Variants in DDAH2 observed in about 807,000 individuals in gnomAD.
DDAH2 encodes DDAH family member 2, ADMA-independent, also known as putative hydrolase DDAH2.
DDAH2 carries 8 observed loss-of-function variants against 24.8 expected under a neutral mutation model. That is an observed-to-expected ratio of 0.32 (90% CI 0.19 to 0.58). The LOEUF (loss-of-function observed/expected upper bound fraction) is 0.58. DDAH2 is among the 20% of genes least tolerant of loss of function. DDAH2 has a pLI of 0.87. For missense variants in DDAH2, 281 were observed against 379.0 expected (o/e 0.74, Z 2.15); for synonymous variants, 151 against 166.1 (o/e 0.91, Z 0.70).
In DDAH2 at chr6:31,728,242, A is replaced by AC. The variant is rs777387807; in HGVS notation, c.521dup (p.Leu175SerfsTer41). 1 of 1,612,494 alleles carries AC rather than the reference A, an allele frequency of 6.2e-7. No homozygotes were observed. Among genetic ancestry groups the AC allele is most frequent in the South Asian group, 1.1e-5 (1 of 90,994 alleles). ...TGCGAGGTCCCCCCATGCCGCAGAG[A>AC]CCGCGCAGGTGGGAGGGACCCGAGA... On this transcript the variant is annotated frameshift_variant, in exon 4 of 6. Coordinates refer to ENST00000375789, the MANE Select transcript of DDAH2 (RefSeq NM_001303007.2). LOFTEE classifies it high-confidence loss of function. The surrounding 1 kb of genome is among the most constrained non-coding windows in gnomAD (Gnocchi z 9.8).
At position 31,729,120 on chromosome 6, in the gene DDAH2, G is replaced by A. The variant is rs759764327; in HGVS notation, c.42C>T (p.Ala14=). 1 of 1,612,658 alleles carries A rather than the reference G, an allele frequency of 6.2e-7. No homozygotes were observed. Among genetic ancestry groups the A allele is most frequent in the Non-Finnish European group, 8.5e-7 (1 of 1,179,812 alleles). ...GGCTCTCTGGGACTCCCCGGATCAG[G>A]GCATGGGAGCAGCGGCCCAGCCCCT... The part of the protein sequence containing the change: ...PGEGLGRCSH[A]LIRGVPESLA... The change falls in exon 1 of 6, where the codon GCC becomes GCT. Residue 14 remains alanine, a synonymous_variant. Coordinates refer to ENST00000375789, the MANE Select transcript of DDAH2 (RefSeq NM_001303007.2). The surrounding 1 kb of genome is among the most constrained non-coding windows in gnomAD (Gnocchi z 6.7).
Position 31,728,781 on chromosome 6 carries a change from C to A in DDAH2, c.298-36G>T, listed in dbSNP as rs1047750710. 7.4e-6 allele frequency: 12 copies of A among 1,611,088 alleles called. No homozygotes were observed. In the African/African-American group the frequency reaches 1.6e-4, roughly 22 times the overall value. ...GAGAAGAGGGCACGGAGCTGTGACA[C>A]CCCCATCCTCAATTCTTCCCCAAAG... is the stretch of plus-strand genomic sequence containing the variant. On this transcript the variant is annotated intron_variant, in intron 1 of 5. Transcript: ENST00000375789. The surrounding 1 kb of genome is among the most constrained non-coding windows in gnomAD (Gnocchi z 9.8).
Position 31,727,730 on chromosome 6 carries a change from T to G in DDAH2, c.592-38A>C. 1 of 1,549,054 alleles carries G rather than the reference T, an allele frequency of 6.5e-7. No individual in the cohort carries two copies. The highest frequency in any genetic ancestry group is 8.7e-7 in the Non-Finnish European group (1 of 1,147,572). ...GGAAGTGTTCGAGTCTCAGAACCTC[T>G]CCACAGCTGTGTCTGCCTGCTCAAC... On this transcript the variant is annotated intron_variant, in intron 4 of 5. Coordinates refer to ENST00000375789, the MANE Select transcript of DDAH2 (RefSeq NM_001303007.2). The surrounding 1 kb of genome is among the most constrained non-coding windows in gnomAD (Gnocchi z 6.0).
upstream of DDAH2, chr6:31,729,476 T>C: frequency 5.3e-6 from 2 of 379,254 alleles, no homozygotes; most frequent in Non-Finnish European, 9.5e-6. This position sits in a 1 kb window ranked among gnomAD's most constrained non-coding sequence, Gnocchi z 6.7. Context: ...TTGCCCCTGC[T>C]TGGGGGCTTG....
upstream of DDAH2, chr6:31,729,434 A>C (rs1159843273): frequency 5.9e-6 from 3 of 507,606 alleles, no homozygotes; most frequent in Non-Finnish European, 1.0e-5. This position sits in a 1 kb window ranked among gnomAD's most constrained non-coding sequence, Gnocchi z 6.7. Flanking sequence ...CCTGAGGAAC[A>C]AGGCTAGGGT....
Position 31,727,625 on chromosome 6 carries a change from C to A in DDAH2, c.659G>T (p.Cys220Phe). The A allele has an allele frequency of 6.2e-7, 1 of 1,612,990 alleles. No homozygotes were observed. Among genetic ancestry groups the A allele is most frequent in the Non-Finnish European group, 8.5e-7 (1 of 1,179,970 alleles). Reference sequence around the variant, plus strand: ...AGGCAACCCAGGACGAAGAAAGAGACAGTCAGCAGCTGCGTCATCTGGGAG... The same window carrying A: ...AGGCAACCCAGGACGAAGAAAGAGAAAGTCAGCAGCTGCGTCATCTGGGAG... ...LTLPDDAAAD[C>F]LFLRPGLPGV... The change falls in exon 5 of 6, where the codon TGT (cysteine) becomes TTT (phenylalanine). Residue 220 changes from cysteine to phenylalanine, a missense_variant. Physicochemically the swap from Cys to Phe is radical, Grantham distance 205. Transcript: ENST00000375789. This position sits in a 1 kb window ranked among gnomAD's most constrained non-coding sequence, Gnocchi z 6.0.
chr6:31,728,654 A>T lies in DDAH2; in HGVS notation c.389T>A (p.Leu130His), dbSNP rs1415033333. 6.2e-7 allele frequency: 1 copy of T among 1,612,914 alleles called. No individual in the cohort carries two copies. ...ENATLDGTDV[L>H]FTGREFFVGL... Reference sequence around the variant, plus strand: ...CCTCCCCCCAGCCTCACCGGTGAAGAGAACGTCAGTGCCATCCAGCGTCGC... The same window carrying T: ...CCTCCCCCCAGCCTCACCGGTGAAGTGAACGTCAGTGCCATCCAGCGTCGC... The change falls in exon 2 of 6, where the codon CTC (leucine) becomes CAC (histidine). Residue 130 changes from leucine (L) to histidine (H), a missense_variant. Leu to His is a moderately conservative substitution (Grantham distance 99). Coordinates refer to ENST00000375789, the MANE Select transcript of DDAH2 (RefSeq NM_001303007.2). The surrounding 1 kb of genome is among the most constrained non-coding windows in gnomAD (Gnocchi z 9.8).
At chr6:31,729,306 G>A (rs947209200), upstream of DDAH2, 8 of 688,156 alleles carry the variant, frequency 1.2e-5, no homozygotes, top group East Asian at 1.9e-4. The surrounding 1 kb of genome is among the most constrained non-coding windows in gnomAD (Gnocchi z 6.7). Flanking sequence ...GAGCGCCCAG[G>A]TCTTCCTCCT....
Position 31,728,764 on chromosome 6 carries a change from G to A in DDAH2, c.298-19C>T, listed in dbSNP as rs774837244. The A allele has an allele frequency of 1.9e-6, 3 of 1,612,458 alleles. No homozygotes were observed. The highest frequency in any genetic ancestry group is 1.7e-5 in the Admixed American group (1 of 59,922). On this transcript the variant is annotated intron_variant, in intron 1 of 5. Transcript: ENST00000375789. The surrounding 1 kb of genome is among the most constrained non-coding windows in gnomAD (Gnocchi z 9.8). ...CATCGACCTTAGGATAGGAGAAGAG[G>A]GCACGGAGCTGTGACACCCCCATCC...
At position 31,728,333 on chromosome 6, in the gene DDAH2, G is replaced by A; in HGVS notation, c.472-41C>T. ...GGAGGTATTCAGGGGCGCGGGAGGG[G>A]TGATGGGGTATCTTCAAACATAGGC... On this transcript the variant is annotated intron_variant, in intron 3 of 5. Transcript: ENST00000375789. The surrounding 1 kb of genome is among the most constrained non-coding windows in gnomAD (Gnocchi z 9.8). 1 of 1,605,944 alleles carries A rather than the reference G, an allele frequency of 6.2e-7. No homozygotes were observed. Among genetic ancestry groups the A allele is most frequent in the Non-Finnish European group, 8.5e-7 (1 of 1,175,192 alleles).
Position 31,727,621 on chromosome 6 carries a change from G to A in DDAH2, c.663C>T (p.Leu221=). ...CACCAGGCAACCCAGGACGAAGAAA[G>A]AGACAGTCAGCAGCTGCGTCATCTG... The part of the protein sequence containing the change: ...TLPDDAAADC[L]FLRPGLPGVP... Residue 221 remains leucine (L), a synonymous_variant, in exon 5 of 6, where the codon CTC becomes CTT. Coordinates refer to ENST00000375789, the MANE Select transcript of DDAH2 (RefSeq NM_001303007.2). This position sits in a 1 kb window ranked among gnomAD's most constrained non-coding sequence, Gnocchi z 6.0. 1 of 1,613,028 alleles carries A rather than the reference G, an allele frequency of 6.2e-7. No individual in the cohort carries two copies. The highest frequency in any genetic ancestry group is 8.5e-7 in the Non-Finnish European group (1 of 1,179,990).
In DDAH2 at chr6:31,727,259, A is replaced by G; in HGVS notation, c.836T>C (p.Leu279Pro). Residue 279 changes from leucine (L) to proline (P), a missense_variant, in exon 6 of 6, where the codon CTC (leucine) becomes CCC (proline). Leu to Pro is a moderately conservative substitution (Grantham distance 98, BLOSUM62 -3). Coordinates refer to ENST00000375789, the MANE Select transcript of DDAH2 (RefSeq NM_001303007.2). The surrounding 1 kb of genome is among the most constrained non-coding windows in gnomAD (Gnocchi z 6.0). ...CCCTCAGCTGTGGGGGCGTGTGCTGAGCACCAAGCAGAGGGAGCTGAGCCC... is the reference window on the plus strand; with the variant it reads ...CCCTCAGCTGTGGGGGCGTGTGCTGGGCACCAAGCAGAGGGAGCTGAGCCC... ...GAGLSSLCLV[L>P]STRPHS 6.2e-7 allele frequency: 1 copy of G among 1,613,014 alleles called. No homozygotes were observed. Among genetic ancestry groups the G allele is most frequent in the Non-Finnish European group, 8.5e-7 (1 of 1,179,962 alleles).
At position 31,728,903 on chromosome 6, in the gene DDAH2, G is replaced by C. The variant is rs371970217; in HGVS notation, c.259C>G (p.Leu87Val). ...DTAVIQGDTA[L>V]ITRPWSPARR... ...GCGGGGCTCCAGGGCCGCGTGATTA[G>C]GGCCGTGTCCCCTTGGATCACGGCC... The change falls in exon 1 of 6, where the codon CTA (leucine) becomes GTA (valine). Residue 87 changes from leucine to valine, a missense_variant. Transcript: ENST00000375789. The surrounding 1 kb of genome is among the most constrained non-coding windows in gnomAD (Gnocchi z 9.8). 1 of 1,612,956 alleles carries C rather than the reference G, an allele frequency of 6.2e-7. No homozygotes were observed. Among genetic ancestry groups the C allele is most frequent in the Non-Finnish European group, 8.5e-7 (1 of 1,180,024 alleles).
At position 31,728,542 on chromosome 6, in the gene DDAH2, C is replaced by CGGAGG; in HGVS notation, c.398-23_398-19dup. 6.2e-7 allele frequency: 1 copy of CGGAGG among 1,612,808 alleles called. No individual in the cohort carries two copies. Among genetic ancestry groups the CGGAGG allele is most frequent in the Non-Finnish European group, 8.5e-7 (1 of 1,179,912 alleles). ...CTCCCGGCCTGAGTCCGGGAGGCCGCGGAGGTTTGAGGGCGGGAGTGAGTT... is the reference window on the plus strand; with the variant it reads ...CTCCCGGCCTGAGTCCGGGAGGCCGCGGAGGGGAGGTTTGAGGGCGGGAGTGAGTT... On this transcript the variant is annotated intron_variant, in intron 2 of 5. Coordinates refer to ENST00000375789, the MANE Select transcript of DDAH2 (RefSeq NM_001303007.2). This position sits in a 1 kb window ranked among gnomAD's most constrained non-coding sequence, Gnocchi z 9.8.
chr6:31,727,281 GC>G lies in DDAH2; in HGVS notation c.813del (p.Leu272SerfsTer28). The stretch of plus-strand genomic sequence containing the variant: ...CTGAGCACCAAGCAGAGGGAGCTGA[GC>G]CCGGCGCCAGCCTTCTCCAGTTCTG... ...SCSELEKAGA[G>X]LSSLCLVLST... On this transcript the variant is annotated frameshift_variant, in exon 6 of 6. Coordinates refer to ENST00000375789, the MANE Select transcript of DDAH2 (RefSeq NM_001303007.2). LOFTEE classifies it high-confidence loss of function. The surrounding 1 kb of genome is among the most constrained non-coding windows in gnomAD (Gnocchi z 6.0). 6.2e-7 allele frequency: 1 copy of G among 1,613,078 alleles called. No homozygotes were observed. The highest frequency in any genetic ancestry group is 1.7e-4 in the Middle Eastern group (1 of 6,060).
In DDAH2 at chr6:31,727,163, C is replaced by G; in HGVS notation, c.*74G>C. 8.9e-7 allele frequency: 1 copy of G among 1,120,854 alleles called. No homozygotes were observed. Among genetic ancestry groups the G allele is most frequent in the South Asian group, 1.3e-5 (1 of 76,708 alleles). The allele number at this position is 1,120,854 out of a possible 1,614,324, so 69.4% of individuals were successfully genotyped here. On this transcript the variant is annotated 3_prime_UTR_variant, in exon 6 of 6. Transcript: ENST00000375789. The surrounding 1 kb of genome is among the most constrained non-coding windows in gnomAD (Gnocchi z 6.0). Reference sequence around the variant, plus strand: ...CCAACTACTGCCTATTCAGCATTCTCTATCTAACCCTCCTTCCCCTTCTAC... The same window carrying G: ...CCAACTACTGCCTATTCAGCATTCTGTATCTAACCCTCCTTCCCCTTCTAC...
At position 31,727,228 on chromosome 6, in the gene DDAH2, G is replaced by T; in HGVS notation, c.*9C>A. ...TACCCCTGGCCAGCAGTACCCCAAG[G>T]CCAGGCCCTCAGCTGTGGGGGCGTG... On this transcript the variant is annotated 3_prime_UTR_variant, in exon 6 of 6. Transcript: ENST00000375789. The surrounding 1 kb of genome is among the most constrained non-coding windows in gnomAD (Gnocchi z 6.0). 1 of 1,606,586 alleles carries T rather than the reference G, an allele frequency of 6.2e-7. No individual in the cohort carries two copies. The highest frequency in any genetic ancestry group is 2.2e-5 in the East Asian group (1 of 44,856).
chr6:31,728,194 G>A lies in DDAH2; in HGVS notation c.570C>T (p.Asp190=). Residue 190 remains aspartate, a synonymous_variant, in exon 4 of 6, where the codon GAC becomes GAT. Transcript: ENST00000375789. This position sits in a 1 kb window ranked among gnomAD's most constrained non-coding sequence, Gnocchi z 9.8. ...TCACCCGGACAGCCTTTTGGGCAGC[G>A]TCGCTGCTGCCTGCCACAACAGTGC... is the stretch of plus-strand genomic sequence containing the variant. ...GPRTVVAGSS[D]AAQKAVRAMA... The A allele has an allele frequency of 6.2e-7, 1 of 1,612,272 alleles. No homozygotes were observed. Among genetic ancestry groups the A allele is most frequent in the Non-Finnish European group, 8.5e-7 (1 of 1,179,912 alleles).
chr6:31,729,719 G>A (rs1412230422), upstream of DDAH2: 1 of 159,666 alleles, frequency 6.3e-6, no homozygotes, highest in African/African-American at 2.4e-5. This position sits in a 1 kb window ranked among gnomAD's most constrained non-coding sequence, Gnocchi z 6.7. Context: ...AGGAAGGGAG[G>A]AGTTCGAGCC....
Sources: allele counts gnomAD v4.1 joint callset, GRCh38; gene constraint gnomAD v4.1.1; non-coding constraint Gnocchi (gnomAD v3.1); transcripts MANE v1.5; gene names NCBI Gene and HGNC (gene_info 2026-07-23, HGNC 2026-07-21).